Variants in RERE observed in about 807,000 individuals in gnomAD.
RERE encodes the protein arginine-glutamic acid dipeptide repeats.
Under a neutral mutation model 146.1 loss-of-function variants are expected in RERE, and 40 were observed. That is an observed-to-expected ratio of 0.27 (90% CI 0.21 to 0.36). RERE has a LOEUF of 0.36. Among genes scored for constraint, RERE ranks in the 10% least tolerant of loss-of-function variants. The pLI, the probability that RERE is intolerant of heterozygous loss-of-function variation, is 1.00. For synonymous variants in RERE, 1,003 were observed against 866.0 expected, an observed-to-expected ratio of 1.16 and a Z score of -2.78; for missense variants, 1,933 against 2,138.7, an observed-to-expected ratio of 0.90 and a Z score of 1.90.
intron 4 of RERE, among the ~76,000 whole-genome samples, chr1:8,582,643 C>A (rs1454392500): frequency 6.6e-6 from 1 of 152,044 alleles, no homozygotes; most frequent in Non-Finnish European, 1.5e-5. Flanking sequence ...AATTGTTGAA[C>A]CTGGGAGGCA....
chr1:8,659,633 G>T (rs1339042507), intron 1 of RERE, among the ~76,000 whole-genome samples: 1 of 152,220 alleles, frequency 6.6e-6, no homozygotes, highest in African/African-American at 2.4e-5. Context: ...AAACTCATCA[G>T]TGTCTACTAG....
Position 8,361,056 on chromosome 1 carries a change from CGGGGGATGCGGT to C in RERE, c.2439_2450del (p.Pro817_Pro820del). 9 of 1,430,382 alleles carry C rather than the reference CGGGGGATGCGGT, an allele frequency of 6.3e-6. No individual in the cohort carries two copies. Among genetic ancestry groups the C allele is most frequent in the African/African-American group, 2.9e-5 (2 of 68,976 alleles). 88.6% of individuals were successfully genotyped at this position (1,430,382 alleles called of 1,614,324 possible). ...GCGGGGGATGTGGCGAGGGATGCGG[CGGGGGATGCGGT>C]GAGGGCGGCCGCTGGGGGTGCAAGG... is the stretch of plus-strand genomic sequence containing the variant. On this transcript the variant is annotated inframe_deletion, in exon 18 of 23. Coordinates refer to ENST00000400908, the MANE Select transcript of RERE (RefSeq NM_001042681.2).
intron 12 of RERE, among the ~76,000 whole-genome samples, chr1:8,382,615 A>C (rs184756274): frequency 1.2e-4 from 19 of 152,362 alleles, no homozygotes; most frequent in Non-Finnish European, 2.4e-4. Flanking sequence ...CTAGATGCAC[A>C]GGCAAGACGT....
At chr1:8,438,671 T>C (rs148519936) in intron 11 of RERE, among the ~76,000 whole-genome samples, 114 of 152,260 alleles carry the variant, frequency 7.5e-4, no homozygotes, top group African/African-American at 2.7e-3. Flanking sequence ...CGGCTAGCCA[T>C]GAACACTCTC....
In RERE at chr1:8,364,042, C is replaced by T. The variant is rs1243427327; in HGVS notation, c.1740+14G>A. ...AAGAAGTTGCCAGGAGCCCCATGGC[C>T]CCAGGGGACTCACCGAGCCCCGACT... On this transcript the variant is annotated intron_variant, in intron 15 of 22. Transcript: ENST00000400908. The surrounding 1 kb of genome is among the most constrained non-coding windows in gnomAD (Gnocchi z 5.1). 2 of 1,611,562 alleles carry T rather than the reference C, an allele frequency of 1.2e-6. No homozygotes were observed. Among genetic ancestry groups the T allele is most frequent in the Non-Finnish European group, 1.7e-6 (2 of 1,177,966 alleles).
intron 1 of RERE, among the ~76,000 whole-genome samples, chr1:8,771,169 A>G (rs753384762): frequency 2.6e-5 from 4 of 152,212 alleles, no homozygotes; most frequent in African/African-American, 9.6e-5. Context: ...ATATAGCATA[A>G]ATGTTTTTTA....
At chr1:8,697,387 C>G (rs1477030250) in intron 1 of RERE, among the ~76,000 whole-genome samples, 1 of 131,148 alleles carries the variant, frequency 7.6e-6, no homozygotes, top group Non-Finnish European at 1.6e-5. Context: ...CCACACCCCC[C>G]CCACACAACT....
rs1376854620 is a variant in RERE at position 8,352,683 on chromosome 1, C to A, written c.*2404G>T. ...CAGAGGAGCCAAACCAAACCCCGAA[C>A]AAAGGGAGGAAAATCCGAAGGAAAC... On this transcript the variant is annotated 3_prime_UTR_variant, in exon 23 of 23. Transcript: ENST00000400908. 1 of 152,262 alleles carries A rather than the reference C, an allele frequency of 6.6e-6. No homozygotes were observed. The highest frequency in any genetic ancestry group is 2.4e-5 in the African/African-American group (1 of 41,434). 9.4% of individuals were successfully genotyped at this position (152,262 alleles called of 1,614,324 possible). A position where few individuals can be genotyped will look rare whatever the true frequency, so the allele number is the denominator to read the frequency against.
At chr1:8,788,413 G>GGAGCGCA (rs1641299522) in intron 1 of RERE, among the ~76,000 whole-genome samples, 1 of 142,188 alleles carries the variant, frequency 7.0e-6, no homozygotes, top group Admixed American at 7.4e-5. Context: ...TGCCCAGGCT[G>GGAGCGCA]GAGCGCAGTG....
intron 2 of RERE, among the ~76,000 whole-genome samples, chr1:8,632,531 A>AT (rs1364911938): frequency 6.6e-6 from 1 of 152,244 alleles, no homozygotes; most frequent in Non-Finnish European, 1.5e-5. Flanking sequence ...GACTGTCAGT[A>AT]TAATTTAGAT....
intron 1 of RERE, among the ~76,000 whole-genome samples, chr1:8,766,487 C>A (rs1031680446): frequency 1.4e-4 from 21 of 149,116 alleles, no homozygotes; most frequent in African/African-American, 4.7e-4. Context: ...TTGCAGTCAG[C>A]CAAGAGCCAA....
intron 1 of RERE, chr1:8,786,400 T>G (rs949949748): frequency 2.6e-5 from 23 of 875,676 alleles, no homozygotes; most frequent in Non-Finnish European, 4.0e-5. Flanking sequence ...GATGCCATAT[T>G]TACCAAGAGA....
intron 8 of RERE, among the ~76,000 whole-genome samples, chr1:8,504,294 G>C (rs1043384819): frequency 1.3e-5 from 2 of 152,092 alleles, no homozygotes; most frequent in Non-Finnish European, 2.9e-5. Flanking sequence ...TCTTACTAGA[G>C]AAAAACGATT....
At chr1:8,509,862 C>T (rs909467515) in intron 7 of RERE, among the ~76,000 whole-genome samples, 5 of 152,186 alleles carry the variant, frequency 3.3e-5, no homozygotes, top group Admixed American at 2.0e-4. Context: ...TCTTGTTTTT[C>T]TCTCATGGAT....
At chr1:8,766,469 G>A (rs1569748219) in intron 1 of RERE, among the ~76,000 whole-genome samples, 3 of 151,596 alleles carry the variant, frequency 2.0e-5, no homozygotes, top group East Asian at 3.9e-4. Context: ...GAACCCAGGA[G>A]GTGGAGGTTG....
chr1:8,643,677 CA>C (rs892421889), intron 2 of RERE, among the ~76,000 whole-genome samples: 17 of 152,120 alleles, frequency 1.1e-4, no homozygotes, highest in Non-Finnish European at 1.8e-4. Context: ...TTGAAGGCAC[CA>C]AAACAATGCA....
At position 8,555,240 on chromosome 1, in the gene RERE, T is replaced by C. The variant is rs115823554; in HGVS notation, c.725+1235A>G. The stretch of plus-strand genomic sequence containing the variant: ...AAAAAGAAAGCAAAAGAAGAATATT[T>C]CCTGACACATGAAAATTAAATGAAA... On this transcript the variant is annotated intron_variant, in intron 6 of 22. Transcript: ENST00000400908. Among the ~76,000 whole-genome samples the C allele has an allele frequency of 4.2e-3, 639 of 152,312 alleles. 11 individuals are homozygous for C. Among genetic ancestry groups the C allele is most frequent in the African/African-American group, 0.015 (609 of 41,564 alleles).
chr1:8,782,521 A>G (rs1446901201), intron 1 of RERE, among the ~76,000 whole-genome samples: 1 of 152,130 alleles, frequency 6.6e-6, no homozygotes, highest in East Asian at 1.9e-4. Context: ...GGTTTCTCAC[A>G]TGAATTCCAG....
At chr1:8,471,517 C>CTTT (rs35144697) in intron 10 of RERE, among the ~76,000 whole-genome samples, 1,680 of 132,302 alleles carry the variant, frequency 0.013, 20 homozygotes, top group South Asian at 0.019. Flanking sequence ...CCCGGGGTTG[C>CTTT]TTTTTTTTTT....
Sources: allele counts gnomAD v4.1 joint callset (sites outside exome capture counted in the v4.1 genomes callset), GRCh38; gene constraint gnomAD v4.1.1; non-coding constraint Gnocchi (gnomAD v3.1); transcripts MANE v1.5; gene names NCBI Gene and HGNC (gene_info 2026-07-23, HGNC 2026-07-21).